The following TANC2 variants were observed in gnomAD, a reference collection of about 807,000 sequenced individuals.
The protein encoded by TANC2 is tetratricopeptide repeat, ankyrin repeat and coiled-coil containing 2, also known as protein TANC2.
A neutral mutation model predicts 210.5 loss-of-function variants in TANC2; 26 were observed. That is an observed-to-expected ratio of 0.12 (90% CI 0.09 to 0.17). TANC2 has a LOEUF of 0.17. TANC2 is among the 10% of genes least tolerant of loss of function. TANC2 has a pLI of 1.00. For missense variants in TANC2, 2,129 were observed against 2,608.9 expected, an observed-to-expected ratio of 0.82 and a Z score of 4.01; for synonymous variants, 931 against 967.1, an observed-to-expected ratio of 0.96 and a Z score of 0.69.
chr17:63,407,614 C>T (rs963204816), intron 21 of TANC2, among the ~76,000 whole-genome samples: 7 of 152,102 alleles, frequency 4.6e-5, no homozygotes, highest in African/African-American at 1.7e-4. Context: ...TTTATTTAGG[C>T]TATGTTATTA....
chr17:62,987,373 A>T lies in TANC2; in HGVS notation c.-24+20624A>T, dbSNP rs758629749. On this transcript the variant is annotated intron_variant, in intron 1 of 27. Coordinates refer to ENST00000689528, the Ensembl canonical transcript of TANC2. ...GCACTTCAGAGGTGGCCCTGGTCTC[A>T]GGATAGCACCATGTTGCAGTATCTG... is the stretch of plus-strand genomic sequence containing the variant. 9.2e-5 allele frequency among the ~76,000 whole-genome samples: 14 copies of T among 152,300 alleles called. No homozygotes were observed. In the Middle Eastern group the frequency reaches 0.017, roughly 185 times the overall value.
At chr17:63,249,358 A>G (rs2146140639) in intron 8 of TANC2, among the ~76,000 whole-genome samples, 1 of 152,332 alleles carries the variant, frequency 6.6e-6, no homozygotes, top group East Asian at 1.9e-4. Context: ...GGAAGGAAGT[A>G]GAAGACTCTT....
chr17:63,103,257 A>C (rs1282709342), intron 4 of TANC2, among the ~76,000 whole-genome samples: 1 of 152,208 alleles, frequency 6.6e-6, no homozygotes, highest in Non-Finnish European at 1.5e-5. Context: ...TAACATATTT[A>C]TCTTAGTCTT....
chr17:63,277,809 A>T (rs1225517287), intron 9 of TANC2, among the ~76,000 whole-genome samples: 1 of 151,370 alleles, frequency 6.6e-6, no homozygotes, highest in East Asian at 1.9e-4. Context: ...AAAAAAAAAA[A>T]CAAAGACTAA....
intron 14 of TANC2, among the ~76,000 whole-genome samples, chr17:63,370,478 T>G (rs770286391): frequency 3.3e-5 from 5 of 152,078 alleles, no homozygotes; most frequent in Non-Finnish European, 7.4e-5. Flanking sequence ...ACGCCCGGCC[T>G]CCTTAGTCCT....
intron 21 of TANC2, among the ~76,000 whole-genome samples, chr17:63,408,902 C>T (rs1048871147): frequency 8.5e-5 from 13 of 152,220 alleles, no homozygotes; most frequent in African/African-American, 2.7e-4. Context: ...CTTAGGTACT[C>T]TTCTAGCAAG....
chr17:63,115,048 T>C (rs1270830321), intron 4 of TANC2, among the ~76,000 whole-genome samples: 1 of 152,226 alleles, frequency 6.6e-6, no homozygotes, highest in African/African-American at 2.4e-5. Flanking sequence ...AAAGATCTGC[T>C]CAACATGACT....
intron 15 of TANC2, among the ~76,000 whole-genome samples, chr17:63,385,824 A>G (rs1321548671): frequency 1.3e-5 from 2 of 152,218 alleles, no homozygotes; most frequent in African/African-American, 4.8e-5. Flanking sequence ...GAAAAGGGAA[A>G]TAATCTTGTG....
intron 8 of TANC2, among the ~76,000 whole-genome samples, chr17:63,248,042 A>G (rs1363115224): frequency 6.6e-6 from 1 of 152,142 alleles, no homozygotes; most frequent in Non-Finnish European, 1.5e-5. Flanking sequence ...TTACTTTCAC[A>G]GGGAATTGCC....
At chr17:63,411,972 A>G (rs746733070) in intron 22 of TANC2, 26 bp from the exon 23 acceptor site, 7 of 1,613,288 alleles carry the variant, frequency 4.3e-6, no homozygotes, top group African/African-American at 1.3e-5. Flanking sequence ...GCCTGTCCTA[A>G]CTTCTCTGCT....
intron 5 of TANC2, among the ~76,000 whole-genome samples, chr17:63,157,783 T>G (rs1033715063): frequency 2.0e-5 from 3 of 152,180 alleles, no homozygotes; most frequent in South Asian, 4.1e-4. Context: ...AGAGTCATAC[T>G]GTGCCACCCA....
intron 2 of TANC2, among the ~76,000 whole-genome samples, chr17:63,054,390 T>A (rs1373712980): frequency 6.6e-6 from 1 of 152,188 alleles, no homozygotes; most frequent in African/African-American, 2.4e-5. Flanking sequence ...TTTTTTCTTT[T>A]GAGATGGAGT....
chr17:63,115,133 C>T (rs566469148), intron 4 of TANC2, among the ~76,000 whole-genome samples: 2 of 152,238 alleles, frequency 1.3e-5, no homozygotes, highest in Non-Finnish European at 2.9e-5. Flanking sequence ...TAAAAAGTCA[C>T]AACTGAAGAG....
At chr17:63,306,143 A>G (rs2044896861) in intron 9 of TANC2, among the ~76,000 whole-genome samples, 2 of 152,230 alleles carry the variant, frequency 1.3e-5, no homozygotes, top group Admixed American at 1.3e-4. Flanking sequence ...GGCAGGAAGC[A>G]AGGAGAGTAA....
intron 17 of TANC2, among the ~76,000 whole-genome samples, chr17:63,391,915 T>C (rs750279233): frequency 4.6e-5 from 7 of 151,884 alleles, no homozygotes; most frequent in Non-Finnish European, 8.8e-5. Context: ...TTAGTAGAGA[T>C]GGGGTTTCAC....
chr17:63,196,564 A>C (rs2041353442), intron 6 of TANC2, among the ~76,000 whole-genome samples: 1 of 152,336 alleles, frequency 6.6e-6, no homozygotes, highest in Admixed American at 6.5e-5. Flanking sequence ...TTACTTGTAC[A>C]TTACTGAATA....
chr17:63,085,917 T>G (rs1374004257), intron 3 of TANC2, among the ~76,000 whole-genome samples: 1 of 152,218 alleles, frequency 6.6e-6, no homozygotes, highest in Non-Finnish European at 1.5e-5. Flanking sequence ...ACTTTTAACA[T>G]TTCTTGCAAG....
At chr17:63,242,658 A>G (rs999059705) in intron 8 of TANC2, among the ~76,000 whole-genome samples, 1 of 152,164 alleles carries the variant, frequency 6.6e-6, no homozygotes, top group South Asian at 2.1e-4. Flanking sequence ...TTCAAAAGAA[A>G]TGAAAGCATA....
Position 63,421,990 on chromosome 17 carries a change from C to G in TANC2, c.*35C>G. ...TGTTGGAGTGAGACCCATATGTTTT[C>G]ACTGCACATTTTCAGGCTTGGTTTC... On this transcript the variant is annotated 3_prime_UTR_variant, in exon 28 of 28. Coordinates refer to ENST00000689528, the Ensembl canonical transcript of TANC2. The surrounding 1 kb of genome is among the most constrained non-coding windows in gnomAD (Gnocchi z 6.9). 6.4e-7 allele frequency: 1 copy of G among 1,550,494 alleles called. No individual in the cohort carries two copies. Among genetic ancestry groups the G allele is most frequent in the African/African-American group, 1.4e-5 (1 of 72,948 alleles).
Sources: allele counts gnomAD v4.1 joint callset (sites outside exome capture counted in the v4.1 genomes callset), GRCh38; gene constraint gnomAD v4.1.1; non-coding constraint Gnocchi (gnomAD v3.1); transcripts MANE v1.5; gene names NCBI Gene and HGNC (gene_info 2026-07-23, HGNC 2026-07-21).